Variants in ACTN4 observed in about 807,000 individuals in gnomAD.
ACTN4 encodes actinin alpha 4, also known as alpha-actinin-4.
Under a neutral mutation model 114.2 loss-of-function variants are expected in ACTN4, and 18 were observed. The observed-to-expected ratio is 0.16, with a 90% CI of 0.11 to 0.23. The LOEUF is 0.23. ACTN4 is among the 10% of genes least tolerant of loss of function. ACTN4 has a pLI of 1.00. For synonymous variants in ACTN4, 515 were observed against 506.3 expected (o/e 1.02, Z -0.23); for missense variants, 722 against 1,262.9 (o/e 0.57, Z 6.49).
intron 1 of ACTN4, among the ~76,000 whole-genome samples, chr19:38,691,401 CA>C (rs34899917): frequency 3.2e-4 from 17 of 52,870 alleles, no homozygotes; most frequent in Admixed American, 6.3e-4. Flanking sequence ...AACTCCGTCT[CA>C]AAAAAAAAAA....
At chr19:38,719,905 C>T (rs988120316) in intron 11 of ACTN4, among the ~76,000 whole-genome samples, 1 of 152,228 alleles carries the variant, frequency 6.6e-6, no homozygotes, top group Non-Finnish European at 1.5e-5. Flanking sequence ...TGTTTAGAAG[C>T]CAGCTCAGTC....
intron 11 of ACTN4, among the ~76,000 whole-genome samples, chr19:38,720,054 A>C (rs1471472196): frequency 6.6e-6 from 1 of 152,222 alleles, no homozygotes; most frequent in East Asian, 1.9e-4. Context: ...CAAGACTCAG[A>C]GCCTCTGTCC....
intron 5 of ACTN4, 139 bp downstream of exon 5, chr19:38,706,270 A>G: frequency 2.3e-6 from 2 of 888,320 alleles, no homozygotes; most frequent in Non-Finnish European, 3.6e-6. Context: ...CACGGGCCCT[A>G]CAAGCCCATG....
chr19:38,677,156 C>T (rs576989593), intron 1 of ACTN4, among the ~76,000 whole-genome samples: 7 of 152,130 alleles, frequency 4.6e-5, no homozygotes, highest in Admixed American at 6.5e-5. Context: ...TTTGTAGGGC[C>T]GTCGCACCTG....
At chr19:38,692,053 G>T (rs1396930733) in intron 1 of ACTN4, among the ~76,000 whole-genome samples, 1 of 152,170 alleles carries the variant, frequency 6.6e-6, no homozygotes, top group Non-Finnish European at 1.5e-5. Context: ...CAGGACCTTT[G>T]GAATGCTCGC....
Position 38,673,611 on chromosome 19 carries a change from T to A in ACTN4, c.162+25704T>A, listed in dbSNP as rs8182574. 1.8e-3 allele frequency among the ~76,000 whole-genome samples: 94 copies of A among 53,120 alleles called. 7 individuals carry two copies. Among genetic ancestry groups the A allele is most frequent in the African/African-American group, 3.4e-3 (52 of 15,474 alleles). 34.8% of individuals were successfully genotyped at this position (53,120 alleles called of 152,430 possible). A position where few individuals can be genotyped will look rare whatever the true frequency, so the allele number is the denominator to read the frequency against. ...TTTATATATATTCATATATATTCAT[T>A]TATATTTATATATATTCATATATAT... On this transcript the variant is annotated intron_variant, in intron 1 of 20. Transcript: ENST00000252699.
chr19:38,720,389 A>G (rs1051735599), intron 11 of ACTN4, among the ~76,000 whole-genome samples: 3 of 152,172 alleles, frequency 2.0e-5, no homozygotes, highest in African/African-American at 7.2e-5. Flanking sequence ...GGGAGATGTC[A>G]CCTGCTGTTT....
chr19:38,663,196 C>T (rs1302914184), intron 1 of ACTN4, among the ~76,000 whole-genome samples: 1 of 152,186 alleles, frequency 6.6e-6, no homozygotes, highest in Admixed American at 6.5e-5. Flanking sequence ...CGGGTGTGAG[C>T]CACTGCGCCC....
intron 4 of ACTN4, 145 bp from the exon 5 acceptor site, chr19:38,705,899 T>C: frequency 1.3e-6 from 1 of 761,188 alleles, no homozygotes; most frequent in Non-Finnish European, 2.3e-6. Flanking sequence ...CCCGCTGCTA[T>C]CACTGCTGCT....
chr19:38,726,401 A>T (rs1969234160), intron 17 of ACTN4, among the ~76,000 whole-genome samples: 1 of 152,176 alleles, frequency 6.6e-6, no homozygotes, highest in Non-Finnish European at 1.5e-5. Flanking sequence ...CTCACAGGAC[A>T]AGCTGTTCTA....
intron 1 of ACTN4, among the ~76,000 whole-genome samples, chr19:38,677,655 C>T (rs1357614756): frequency 1.3e-5 from 2 of 151,974 alleles, no homozygotes; most frequent in Admixed American, 6.6e-5. Flanking sequence ...TGGGACACTT[C>T]TAGGCCCAGT....
intron 3 of ACTN4, among the ~76,000 whole-genome samples, chr19:38,702,814 G>A (rs978019374): frequency 1.2e-4 from 18 of 152,156 alleles, no homozygotes; most frequent in Non-Finnish European, 1.9e-4. Context: ...GTGTGTCCCC[G>A]GGGGAAGGTG....
At chr19:38,685,923 G>C (rs1390053540) in intron 1 of ACTN4, among the ~76,000 whole-genome samples, 1 of 152,166 alleles carries the variant, frequency 6.6e-6, no homozygotes, top group Non-Finnish European at 1.5e-5. Flanking sequence ...CCAGGGCCTC[G>C]CATATTCACC....
chr19:38,696,087 G>A (rs548670624), intron 1 of ACTN4, among the ~76,000 whole-genome samples: 17 of 152,276 alleles, frequency 1.1e-4, no homozygotes, highest in Non-Finnish European at 2.1e-4. Flanking sequence ...GTGACCAAGT[G>A]CCTCGAGCAG....
chr19:38,648,178 G>A, intron 1 of ACTN4: 1 of 356,406 alleles, frequency 2.8e-6, no homozygotes, highest in East Asian at 4.7e-5. Flanking sequence ...AGGATTTGGA[G>A]GGTCTGGGCG....
Position 38,714,453 on chromosome 19 carries a change from G to A in ACTN4, c.820-16G>A, listed in dbSNP as rs752619233. 7.4e-6 allele frequency: 12 copies of A among 1,612,880 alleles called. No individual in the cohort carries two copies. The South Asian group carries it at 9.9e-5, about 13-fold the overall frequency. ...GGCCAGCCCCCAGGCAGCCCTGACTGTGTGCTCCCCTCCAGGCTGAAACTG... is the reference window on the plus strand; with the variant it reads ...GGCCAGCCCCCAGGCAGCCCTGACTATGTGCTCCCCTCCAGGCTGAAACTG... On this transcript the variant is annotated splice_polypyrimidine_tract_variant and intron_variant, in intron 8 of 20. Transcript: ENST00000252699.
chr19:38,659,565 C>T (rs1379272227), intron 1 of ACTN4, among the ~76,000 whole-genome samples: 1 of 152,280 alleles, frequency 6.6e-6, no homozygotes, highest in Non-Finnish European at 1.5e-5. Flanking sequence ...AAATATAAGA[C>T]TCACAGCGCA....
At chr19:38,712,324 C>G (rs1968683883) in intron 8 of ACTN4, among the ~76,000 whole-genome samples, 1 of 152,236 alleles carries the variant, frequency 6.6e-6, no homozygotes, top group Non-Finnish European at 1.5e-5. Flanking sequence ...TCAGTCTGGC[C>G]TGGCCCCACT....
At chr19:38,721,896 G>A (rs1051640059) in intron 12 of ACTN4, 1 of 716,242 alleles carries the variant, frequency 1.4e-6, no homozygotes, top group South Asian at 1.6e-5. Flanking sequence ...TGGGACACCT[G>A]AAGGATTTGG....
Sources: gnomAD v4.1 joint callset for allele counts (sites outside exome capture counted in the v4.1 genomes callset) on GRCh38, gnomAD v4.1.1 for gene constraint, MANE v1.5 for transcripts, NCBI Gene and HGNC (gene_info 2026-07-23, HGNC 2026-07-21) for gene names.